Variants in HCRTR2 observed in about 807,000 individuals in gnomAD.
The protein encoded by HCRTR2 is hypocretin receptor 2, also known as orexin receptor type 2.
A neutral mutation model predicts 49.0 loss-of-function variants in HCRTR2; 22 were observed. The ratio of observed to expected loss-of-function variants is 0.45; its 90% CI spans 0.32 to 0.64. The LOEUF (loss-of-function observed/expected upper bound fraction) is 0.64. Among genes scored for constraint, HCRTR2 ranks in the 30% least tolerant of loss-of-function variants. The pLI is 0.04. For synonymous variants in HCRTR2, 236 were observed against 205.3 expected (o/e 1.15, Z -1.28); for missense variants, 491 against 559.4 (o/e 0.88, Z 1.23).
chr6:55,133,697 C>CTA (rs1561982302), intron 1 of HCRTR2, among the ~76,000 whole-genome samples: 2 of 133,962 alleles, frequency 1.5e-5, no homozygotes, highest in African/African-American at 7.0e-5. Context: ...ATCTATCTAT[C>CTA]TATCTATATC....
intron 4 of HCRTR2, among the ~76,000 whole-genome samples, chr6:55,273,476 C>T (rs1297546253): frequency 4.6e-5 from 7 of 152,044 alleles, no homozygotes; most frequent in Non-Finnish European, 7.4e-5. Flanking sequence ...GTTCCTCCTC[C>T]TCCCAGATAA....
At chr6:55,129,976 G>T (rs931520932) in intron 1 of HCRTR2, among the ~76,000 whole-genome samples, 1 of 151,692 alleles carries the variant, frequency 6.6e-6, no homozygotes, top group Non-Finnish European at 1.5e-5. Context: ...TATTTTCCTG[G>T]ACCCACCAGT....
At chr6:55,150,833 A>T (rs1764655188) in intron 1 of HCRTR2, among the ~76,000 whole-genome samples, 1 of 152,000 alleles carries the variant, frequency 6.6e-6, no homozygotes, top group African/African-American at 2.4e-5. Context: ...TCTGATTTCA[A>T]TTCCTTTGTC....
chr6:55,214,066 A>G (rs911935891), intron 1 of HCRTR2, among the ~76,000 whole-genome samples: 1 of 152,130 alleles, frequency 6.6e-6, no homozygotes, highest in Non-Finnish European at 1.5e-5. Flanking sequence ...GGCCATTGAG[A>G]ACAAAAGAGA....
At chr6:55,163,509 A>G (rs1581801998) in intron 1 of HCRTR2, among the ~76,000 whole-genome samples, 1 of 152,172 alleles carries the variant, frequency 6.6e-6, no homozygotes, top group East Asian at 1.9e-4. Flanking sequence ...AAACCTGACA[A>G]AAACAAGCAA....
At chr6:55,278,556 A>G (rs1767123816) in intron 5 of HCRTR2, among the ~76,000 whole-genome samples, 1 of 151,972 alleles carries the variant, frequency 6.6e-6, no homozygotes, top group Admixed American at 6.6e-5. Flanking sequence ...CGGCTTTTTC[A>G]ATGGAGAAGA....
intron 1 of HCRTR2, among the ~76,000 whole-genome samples, chr6:55,225,990 T>C (rs2127297884): frequency 6.6e-6 from 1 of 152,370 alleles, no homozygotes; most frequent in African/African-American, 2.4e-5. Context: ...TAAGCTGTTT[T>C]GTGCTTCCTC....
intron 1 of HCRTR2, among the ~76,000 whole-genome samples, chr6:55,142,990 T>TGATAGATAGATA (rs61535568): frequency 8.4e-4 from 117 of 139,352 alleles, no homozygotes; most frequent in Middle Eastern, 7.6e-3. Context: ...AGATGATAGA[T>TGATAGATAGATA]GATAGATAGA....
Position 55,265,877 on chromosome 6 carries a change from A to G in HCRTR2, c.762+2055A>G, listed in dbSNP as rs1055388546. Among the ~76,000 whole-genome samples the G allele has an allele frequency of 4.9e-4, 74 of 152,120 alleles. 2 individuals carry two copies. The highest frequency in any genetic ancestry group is 5.9e-5 in the Non-Finnish European group (4 of 68,012). ...TCTTCCTCATAGGTTTGGTACATGC[A>G]TTCAGGTGTGTCCAAGGGAGAGAAC... is the stretch of plus-strand genomic sequence containing the variant. On this transcript the variant is annotated intron_variant, in intron 4 of 6. Coordinates refer to ENST00000370862, the MANE Select transcript of HCRTR2 (RefSeq NM_001384272.1).
At chr6:55,249,943 A>G (rs1166889276) in intron 2 of HCRTR2, among the ~76,000 whole-genome samples, 1 of 152,100 alleles carries the variant, frequency 6.6e-6, no homozygotes, top group African/African-American at 2.4e-5. Context: ...ACAGAAAATA[A>G]GCTCCCAGTA....
chr6:55,187,305 T>C (rs1191728019), intron 1 of HCRTR2, among the ~76,000 whole-genome samples: 3 of 150,152 alleles, frequency 2.0e-5, no homozygotes, highest in Non-Finnish European at 4.4e-5. Context: ...CCCAGCTACT[T>C]GGGAAGCTGA....
intron 1 of HCRTR2, chr6:55,240,858 C>A: frequency 3.6e-6 from 1 of 276,068 alleles, no homozygotes; most frequent in Non-Finnish European, 7.2e-6. Context: ...TATTCAGTTG[C>A]GTTTTTTTCT....
intron 1 of HCRTR2, among the ~76,000 whole-genome samples, chr6:55,162,741 C>T (rs1433147460): frequency 6.6e-6 from 1 of 151,234 alleles, no homozygotes; most frequent in African/African-American, 2.4e-5. Context: ...ATTCAAAATA[C>T]CTAGGAATAC....
At chr6:55,123,661 C>T (rs560312602) in intron 1 of HCRTR2, among the ~76,000 whole-genome samples, 9 of 152,136 alleles carry the variant, frequency 5.9e-5, no homozygotes, top group African/African-American at 2.2e-4. Flanking sequence ...AGGGAGGATT[C>T]CTGCTTTTTC....
At chr6:55,146,601 T>C (rs946780352) in intron 1 of HCRTR2, among the ~76,000 whole-genome samples, 1 of 151,910 alleles carries the variant, frequency 6.6e-6, no homozygotes, top group African/African-American at 2.4e-5. Context: ...AACAAGCTTT[T>C]TTTTTCTCCT....
chr6:55,111,612 C>T (rs1437089888), intron 1 of HCRTR2, among the ~76,000 whole-genome samples: 1 of 151,984 alleles, frequency 6.6e-6, no homozygotes, highest in African/African-American at 2.4e-5. Context: ...GAAATCAAAT[C>T]TCTGAACAGA....
At chr6:55,120,320 G>A (rs570060625) in intron 1 of HCRTR2, among the ~76,000 whole-genome samples, 2 of 152,062 alleles carry the variant, frequency 1.3e-5, no homozygotes, top group South Asian at 2.1e-4. Context: ...GATAGGGAGA[G>A]CATTGAATCT....
Position 55,264,482 on chromosome 6 carries a change from T to C in HCRTR2, c.762+660T>C, listed in dbSNP as rs562248443. On this transcript the variant is annotated intron_variant, in intron 4 of 6. Transcript: ENST00000370862. The stretch of plus-strand genomic sequence containing the variant: ...ACATGTCTCACACAAAAGCTAAAAA[T>C]TCTACTTTTTGCCATTGAGGAATTC... 2.0e-5 allele frequency among the ~76,000 whole-genome samples: 3 copies of C among 152,206 alleles called. No homozygotes were observed. In the East Asian group the frequency reaches 5.8e-4, roughly 29 times the overall value.
At chr6:55,244,755 C>G (rs1766398492) in intron 1 of HCRTR2, among the ~76,000 whole-genome samples, 1 of 151,930 alleles carries the variant, frequency 6.6e-6, no homozygotes, top group Admixed American at 6.6e-5. Flanking sequence ...CATTTAAAGA[C>G]AGATACTAGG....
Sources: gnomAD v4.1 joint callset for allele counts (sites outside exome capture counted in the v4.1 genomes callset) on GRCh38, gnomAD v4.1.1 for gene constraint, MANE v1.5 for transcripts, NCBI Gene and HGNC (gene_info 2026-07-23, HGNC 2026-07-21) for gene names.